The following LYPLA2 variants were observed in gnomAD, a reference collection of about 807,000 sequenced individuals.
LYPLA2 encodes acyl-protein thioesterase 2.
Under a neutral mutation model 30.3 loss-of-function variants are expected in LYPLA2, and 7 were observed. That is an observed-to-expected ratio of 0.23 (90% confidence interval 0.13 to 0.43). The LOEUF (loss-of-function observed/expected upper bound fraction) is 0.43. Among genes scored for constraint, LYPLA2 ranks in the 20% least tolerant of loss-of-function variants. The pLI is 1.00. For synonymous variants in LYPLA2, 112 were observed against 118.2 expected, an observed-to-expected ratio of 0.95 and a Z score of 0.34; for missense variants, 206 against 307.9, an observed-to-expected ratio of 0.67 and a Z score of 2.48.
Position 23,794,672 on chromosome 1 carries a change from A to T in LYPLA2, c.646-10A>T. 1.9e-6 allele frequency: 3 copies of T among 1,614,048 alleles called. No homozygotes were observed. The highest frequency in any genetic ancestry group is 2.5e-6 in the Non-Finnish European group (3 of 1,179,990). On this transcript the variant is annotated splice_polypyrimidine_tract_variant and intron_variant, in intron 9 of 9. Coordinates refer to ENST00000374514, the MANE Select transcript of LYPLA2 (RefSeq NM_007260.3). This position sits in a 1 kb window ranked among gnomAD's most constrained non-coding sequence, Gnocchi z 5.9. ...AGGTGCCTCTCGTGATCCCCTCTTAATCCCCTCAGGAGATGGCAGCTGTGA... is the reference window on the plus strand; with the variant it reads ...AGGTGCCTCTCGTGATCCCCTCTTATTCCCCTCAGGAGATGGCAGCTGTGA...
Position 23,793,561 on chromosome 1 carries a change from G to A in LYPLA2, c.177-144G>A. The A allele has an allele frequency of 1.2e-6, 1 of 813,402 alleles. No individual in the cohort carries two copies. The highest frequency in any genetic ancestry group is 2.1e-6 in the Non-Finnish European group (1 of 475,740). 50.4% of individuals were successfully genotyped at this position (813,402 alleles called of 1,614,324 possible). On this transcript the variant is annotated intron_variant, in intron 4 of 9. Transcript: ENST00000374514. This position sits in a 1 kb window ranked among gnomAD's most constrained non-coding sequence, Gnocchi z 6.0. ...CCAACCACAGCCTCCAGCCCCACGT[G>A]GCAGGTTGCCTGGCAACACCTTAAA... is the stretch of plus-strand genomic sequence containing the variant.
In LYPLA2 at chr1:23,794,153, G is replaced by GGGGGGGT; in HGVS notation, c.369+18_369+24dup. The GGGGGGGT allele has an allele frequency of 1.4e-6, 2 of 1,446,318 alleles. No homozygotes were observed. Among genetic ancestry groups the GGGGGGGT allele is most frequent in the Non-Finnish European group, 1.9e-6 (2 of 1,042,802 alleles). The allele number at this position is 1,446,318 out of a possible 1,614,324, so 89.6% of individuals were successfully genotyped here. ...TTTTCACAGGTGAGGGGAGAGGGGT[G>GGGGGGGT]GGGGGGTAGGGGGTAGGGGTGGCCG... On this transcript the variant is annotated intron_variant, in intron 7 of 9. Coordinates refer to ENST00000374514, the MANE Select transcript of LYPLA2 (RefSeq NM_007260.3). This position sits in a 1 kb window ranked among gnomAD's most constrained non-coding sequence, Gnocchi z 5.9.
chr1:23,795,172 T>G lies in LYPLA2; in HGVS notation c.*440T>G, dbSNP rs1221025062. Reference sequence around the variant, plus strand: ...ATCGTGTCTCCTGCCTCCACTCAGCTGCTTCTCAGTCATGAATGTGGCCAT... The same window carrying G: ...ATCGTGTCTCCTGCCTCCACTCAGCGGCTTCTCAGTCATGAATGTGGCCAT... On this transcript the variant is annotated 3_prime_UTR_variant, in exon 10 of 10. Coordinates refer to ENST00000374514, the MANE Select transcript of LYPLA2 (RefSeq NM_007260.3). The G allele has an allele frequency of 6.0e-6, 2 of 332,932 alleles. No homozygotes were observed. The highest frequency in any genetic ancestry group is 2.2e-5 in the African/African-American group (1 of 46,504). 20.6% of individuals were successfully genotyped at this position (332,932 alleles called of 1,614,324 possible). A position where few individuals can be genotyped will look rare whatever the true frequency, so the allele number is the denominator to read the frequency against.
rs1210323771 is a variant in LYPLA2, at chr1:23,795,451, G to A, written c.*719G>A. On this transcript the variant is annotated 3_prime_UTR_variant, in exon 10 of 10. Transcript: ENST00000374514. ...GCAGGGAGGCAGTGGGGGAGGAGTT[G>A]TGTCTCGTCTTCTGTCTCCATGTGG... 41 of 217,564 alleles carry A rather than the reference G, an allele frequency of 1.9e-4. No individual in the cohort carries two copies. In the South Asian group the frequency reaches 2.6e-3, roughly 14 times the overall value. The allele number at this position is 217,564 out of a possible 1,614,324, so 13.5% of individuals were successfully genotyped here. A position where few individuals can be genotyped will look rare whatever the true frequency, so the allele number is the denominator to read the frequency against.
At position 23,791,148 on chromosome 1, in the gene LYPLA2, A is replaced by C. The variant is rs1189795577; in HGVS notation, c.-129A>C. 3.9e-5 allele frequency: 6 copies of C among 152,578 alleles called. No individual in the cohort carries two copies. The highest frequency in any genetic ancestry group is 3.3e-4 in the Admixed American group (5 of 15,270). 9.5% of individuals were successfully genotyped at this position (152,578 alleles called of 1,614,324 possible). ...GCAGCGCGATGGCTGGGTTCCCGGGACTCGAACGGAAGTTCCGGCGGGGGC... is the reference window on the plus strand; with the variant it reads ...GCAGCGCGATGGCTGGGTTCCCGGGCCTCGAACGGAAGTTCCGGCGGGGGC... On this transcript the variant is annotated 5_prime_UTR_variant, in exon 1 of 10. Coordinates refer to ENST00000374514, the MANE Select transcript of LYPLA2 (RefSeq NM_007260.3).
At chr1:23,792,388 C>T (rs1638814312) in intron 1 of LYPLA2, among the ~76,000 whole-genome samples, 1 of 152,160 alleles carries the variant, frequency 6.6e-6, no homozygotes, top group African/African-American at 2.4e-5. Flanking sequence ...CTATGCCCTG[C>T]CTCTGCCTGT....
In LYPLA2 at chr1:23,793,277, C is replaced by A; in HGVS notation, c.176+61C>A. The A allele has an allele frequency of 6.5e-7, 1 of 1,528,790 alleles. No individual in the cohort carries two copies. Among genetic ancestry groups the A allele is most frequent in the South Asian group, 1.1e-5 (1 of 89,048 alleles). The allele number at this position is 1,528,790 out of a possible 1,614,324, so 94.7% of individuals were successfully genotyped here. A position where few individuals can be genotyped will look rare whatever the true frequency, so the allele number is the denominator to read the frequency against. On this transcript the variant is annotated intron_variant, in intron 4 of 9. Transcript: ENST00000374514. This position sits in a 1 kb window ranked among gnomAD's most constrained non-coding sequence, Gnocchi z 6.0. ...GGGGATCATCTGGGGGTGGTCCTGT[C>A]ATCCCAGGCCTGTTCTCTCCTGTCA...
rs780986668 is a variant in LYPLA2 at position 23,794,542 on chromosome 1, C to T, written c.587C>T (p.Thr196Ile). Residue 196 changes from threonine to isoleucine, a missense_variant, in exon 9 of 10, where the codon ACA becomes ATA. Coordinates refer to ENST00000374514, the MANE Select transcript of LYPLA2 (RefSeq NM_007260.3). The surrounding 1 kb of genome is among the most constrained non-coding windows in gnomAD (Gnocchi z 5.9). ...GCTGAGAAGCTCCGGTCTGTTGTCA[C>T]ACCTGCCAGGGTCCAGTTCAAGACA... ...LTAEKLRSVV[T>I]PARVQFKTYP... 6.2e-7 allele frequency: 1 copy of T among 1,614,162 alleles called. No homozygotes were observed. The highest frequency in any genetic ancestry group is 2.2e-5 in the East Asian group (1 of 44,872).
In LYPLA2 at chr1:23,793,988, G is replaced by A; in HGVS notation, c.295+58G>A. On this transcript the variant is annotated intron_variant, in intron 6 of 9. Coordinates refer to ENST00000374514, the MANE Select transcript of LYPLA2 (RefSeq NM_007260.3). The surrounding 1 kb of genome is among the most constrained non-coding windows in gnomAD (Gnocchi z 6.0). ...TCCCCTGCCCCCCAGGAAAGCGCTG[G>A]GCGGTTCCTCAGCCTAGCTCCCTTA... is the stretch of plus-strand genomic sequence containing the variant. 4 of 1,594,614 alleles carry A rather than the reference G, an allele frequency of 2.5e-6. No individual in the cohort carries two copies. The highest frequency in any genetic ancestry group is 3.4e-6 in the Non-Finnish European group (4 of 1,162,214).
chr1:23,793,671 G>A lies in LYPLA2; in HGVS notation c.177-34G>A, dbSNP rs1638848903. ...GAGCTCTGGCCTCCTCATTCCTCCT[G>A]AGCATGATGGGCCCTCTGGCTCTCT... On this transcript the variant is annotated intron_variant, in intron 4 of 9. Coordinates refer to ENST00000374514, the MANE Select transcript of LYPLA2 (RefSeq NM_007260.3). This position sits in a 1 kb window ranked among gnomAD's most constrained non-coding sequence, Gnocchi z 6.0. 1 of 1,611,860 alleles carries A rather than the reference G, an allele frequency of 6.2e-7. No homozygotes were observed. The highest frequency in any genetic ancestry group is 8.5e-7 in the Non-Finnish European group (1 of 1,177,942).
rs749096693 is a variant in LYPLA2, at chr1:23,794,153, G to A, written c.369+17G>A. On this transcript the variant is annotated intron_variant, in intron 7 of 9. Transcript: ENST00000374514. The surrounding 1 kb of genome is among the most constrained non-coding windows in gnomAD (Gnocchi z 5.9). ...TTTTCACAGGTGAGGGGAGAGGGGTGGGGGGGTAGGGGGTAGGGGTGGCCG... is the reference window on the plus strand; with the variant it reads ...TTTTCACAGGTGAGGGGAGAGGGGTAGGGGGGTAGGGGGTAGGGGTGGCCG... 2.1e-6 allele frequency: 3 copies of A among 1,446,310 alleles called. No individual in the cohort carries two copies. Among genetic ancestry groups the A allele is most frequent in the South Asian group, 1.2e-5 (1 of 84,194 alleles). The allele number at this position is 1,446,310 out of a possible 1,614,324, so 89.6% of individuals were successfully genotyped here.
chr1:23,794,166 G>C lies in LYPLA2; in HGVS notation c.369+30G>C. 1 of 814,478 alleles carries C rather than the reference G, an allele frequency of 1.2e-6. No homozygotes were observed. The highest frequency in any genetic ancestry group is 2.1e-6 in the Non-Finnish European group (1 of 471,040). The allele number at this position is 814,478 out of a possible 1,614,324, so 50.5% of individuals were successfully genotyped here. ...GGGGAGAGGGGTGGGGGGGTAGGGG[G>C]TAGGGGTGGCCGGTGAGTGAGCTGT... On this transcript the variant is annotated intron_variant, in intron 7 of 9. Coordinates refer to ENST00000374514, the MANE Select transcript of LYPLA2 (RefSeq NM_007260.3). This position sits in a 1 kb window ranked among gnomAD's most constrained non-coding sequence, Gnocchi z 5.9.
rs944245338 is a variant in LYPLA2 at position 23,794,983 on chromosome 1, G to T, written c.*251G>T. On this transcript the variant is annotated 3_prime_UTR_variant, in exon 10 of 10. Transcript: ENST00000374514. The surrounding 1 kb of genome is among the most constrained non-coding windows in gnomAD (Gnocchi z 5.9). ...TCCCTGGAGGCGGGCCCCCCTGGCA[G>T]CAGTATTGGAGGGGCTACAGGCAGC... 26 of 680,338 alleles carry T rather than the reference G, an allele frequency of 3.8e-5. No homozygotes were observed. The Middle Eastern group carries it at 2.6e-3, about 67-fold the overall frequency. The allele number at this position is 680,338 out of a possible 1,614,324, so 42.1% of individuals were successfully genotyped here.
In LYPLA2 at chr1:23,794,044, C is replaced by T. The variant is rs967494952; in HGVS notation, c.296-19C>T. ...CCCCTTGGCAGCTTCCCTCTACCCA[C>T]TCATGCCCCCTCCCCCAGTCAAGGC... On this transcript the variant is annotated intron_variant, in intron 6 of 9. Transcript: ENST00000374514. The surrounding 1 kb of genome is among the most constrained non-coding windows in gnomAD (Gnocchi z 5.9). The T allele has an allele frequency of 1.2e-6, 2 of 1,611,992 alleles. No individual in the cohort carries two copies. The highest frequency in any genetic ancestry group is 2.7e-5 in the African/African-American group (2 of 74,810).
chr1:23,794,467 G>A lies in LYPLA2; in HGVS notation c.512G>A (p.Cys171Tyr). 1.2e-6 allele frequency: 2 copies of A among 1,614,070 alleles called. No homozygotes were observed. Among genetic ancestry groups the A allele is most frequent in the Non-Finnish European group, 1.7e-6 (2 of 1,179,984 alleles). The change falls in exon 9 of 10, where the codon TGC becomes TAC. Residue 171 changes from cysteine to tyrosine, a missense_variant. Transcript: ENST00000374514. The surrounding 1 kb of genome is among the most constrained non-coding windows in gnomAD (Gnocchi z 5.9). Reference protein sequence around the residue: ...GSAKDLAILQCHGELDPMVPV... With the variant: ...GSAKDLAILQYHGELDPMVPV... ...GCCAAGGACCTGGCCATACTCCAGT[G>A]CCATGGGGAGCTGGACCCCATGGTG...
rs1482448861 is a variant in LYPLA2 at position 23,794,023 on chromosome 1, T to C, written c.296-40T>C. The C allele has an allele frequency of 6.2e-7, 1 of 1,603,396 alleles. No individual in the cohort carries two copies. The highest frequency in any genetic ancestry group is 1.3e-5 in the African/African-American group (1 of 74,666). ...CAGCCTAGCTCCCTTATTGGGCCCC[T>C]TGGCAGCTTCCCTCTACCCACTCAT... On this transcript the variant is annotated intron_variant, in intron 6 of 9. Coordinates refer to ENST00000374514, the MANE Select transcript of LYPLA2 (RefSeq NM_007260.3). The surrounding 1 kb of genome is among the most constrained non-coding windows in gnomAD (Gnocchi z 5.9).
At position 23,792,840 on chromosome 1, in the gene LYPLA2, G is replaced by A. The variant is rs1172745468; in HGVS notation, c.78+80G>A. 2.2e-6 allele frequency: 3 copies of A among 1,391,910 alleles called. No individual in the cohort carries two copies. In the African/African-American group the frequency reaches 4.2e-5, roughly 20 times the overall value. The allele number at this position is 1,391,910 out of a possible 1,614,324, so 86.2% of individuals were successfully genotyped here. A position where few individuals can be genotyped will look rare whatever the true frequency, so the allele number is the denominator to read the frequency against. ...GCTGGAGGGGGTGTGGGAAAATGGA[G>A]GTGGCAGTGATGAGCAGGGAGTATC... On this transcript the variant is annotated intron_variant, in intron 2 of 9. Coordinates refer to ENST00000374514, the MANE Select transcript of LYPLA2 (RefSeq NM_007260.3).
At position 23,792,546 on chromosome 1, in the gene LYPLA2, G is replaced by A; in HGVS notation, c.-26-111G>A. 4 of 683,360 alleles carry A rather than the reference G, an allele frequency of 5.9e-6. No homozygotes were observed. In the East Asian group the frequency reaches 1.0e-4, roughly 17 times the overall value. The allele number at this position is 683,360 out of a possible 1,614,324, so 42.3% of individuals were successfully genotyped here. A position where few individuals can be genotyped will look rare whatever the true frequency, so the allele number is the denominator to read the frequency against. ...GACTTCTTGCTTGACTATTCTTTGT[G>A]CCCAGGACAGAACCTGGGTGCTGTG... On this transcript the variant is annotated intron_variant, in intron 1 of 9. Coordinates refer to ENST00000374514, the MANE Select transcript of LYPLA2 (RefSeq NM_007260.3).
chr1:23,794,508 G>C lies in LYPLA2; in HGVS notation c.553G>C (p.Ala185Pro). The C allele has an allele frequency of 6.2e-7, 1 of 1,614,076 alleles. No homozygotes were observed. The highest frequency in any genetic ancestry group is 8.5e-7 in the Non-Finnish European group (1 of 1,179,990). The change falls in exon 9 of 10, where the codon GCC becomes CCC. Residue 185 changes from alanine to proline, a missense_variant. Transcript: ENST00000374514. The surrounding 1 kb of genome is among the most constrained non-coding windows in gnomAD (Gnocchi z 5.9). ...CCCCATGGTGCCCGTACGGTTTGGG[G>C]CCCTGACGGCTGAGAAGCTCCGGTC... is the stretch of plus-strand genomic sequence containing the variant. The part of the protein sequence containing the change: ...LDPMVPVRFG[A>P]LTAEKLRSVV...
Sources: allele counts gnomAD v4.1 joint callset (sites outside exome capture counted in the v4.1 genomes callset), GRCh38; gene constraint gnomAD v4.1.1; non-coding constraint Gnocchi (gnomAD v3.1); transcripts MANE v1.5; gene names NCBI Gene and HGNC (gene_info 2026-07-23, HGNC 2026-07-21).